TIPRL: variants seen among roughly 807,000 people sequenced by gnomAD.
TIPRL encodes the protein TOR signaling pathway regulator.
In TIPRL, 10 loss-of-function variants were observed where a neutral mutation model predicts 32.3. The observed-to-expected ratio is 0.31, with a 90% CI of 0.19 to 0.52. The LOEUF (loss-of-function observed/expected upper bound fraction) is 0.52, where lower values mean the gene tolerates loss of function less well. TIPRL is among the 20% of genes least tolerant of loss of function. The pLI is 0.96. For synonymous variants in TIPRL, 100 were observed against 114.0 expected (o/e 0.88, Z 0.78); for missense variants, 250 against 328.1 (o/e 0.76, Z 1.84).
At chr1:168,181,583 C>G (rs960270257) in intron 1 of TIPRL, among the ~76,000 whole-genome samples, 1 of 148,350 alleles carries the variant, frequency 6.7e-6, no homozygotes, top group Non-Finnish European at 1.5e-5. Flanking sequence ...AATTGCAAAA[C>G]CGCAATTACT....
intron 1 of TIPRL, among the ~76,000 whole-genome samples, chr1:168,182,928 A>C (rs1368858595): frequency 6.6e-6 from 1 of 152,216 alleles, no homozygotes; most frequent in African/African-American, 2.4e-5. Context: ...ACAAAGAATA[A>C]ATTTTACTTA....
In TIPRL at chr1:168,191,261, A is replaced by G. The variant is rs570850295; in HGVS notation, c.385-108A>G. The G allele has an allele frequency of 4.2e-4, 405 of 969,032 alleles. 2 individuals are homozygous for G. The highest frequency in any genetic ancestry group is 5.4e-4 in the Non-Finnish European group (369 of 677,420). The allele number at this position is 969,032 out of a possible 1,614,324, so 60.0% of individuals were successfully genotyped here. On this transcript the variant is annotated intron_variant, in intron 3 of 6. Coordinates refer to ENST00000367833, the MANE Select transcript of TIPRL (RefSeq NM_152902.5). ...AAATTTAGAACTGTGTGCTCTGGCT[A>G]TGTAGAAAAGACTGATTGAAAAAGA...
At chr1:168,198,170 CT>C (rs1285216423) in intron 5 of TIPRL, among the ~76,000 whole-genome samples, 1 of 152,100 alleles carries the variant, frequency 6.6e-6, no homozygotes, top group Non-Finnish European at 1.5e-5. Flanking sequence ...ACATAAGATT[CT>C]CTGTAGAGAT....
In TIPRL at chr1:168,181,890, G is replaced by A. The variant is rs189026581; in HGVS notation, c.105-2012G>A. ...TGCCTGGACAACATGGTGTAACCCC[G>A]CCTCTACTAGAAATACAAAAAAAAT... On this transcript the variant is annotated intron_variant, in intron 1 of 6. Coordinates refer to ENST00000367833, the MANE Select transcript of TIPRL (RefSeq NM_152902.5). Among the ~76,000 whole-genome samples the A allele has an allele frequency of 7.9e-5, 12 of 151,486 alleles. No individual in the cohort carries two copies. The East Asian group carries it at 2.4e-3, about 30-fold the overall frequency.
intron 3 of TIPRL, among the ~76,000 whole-genome samples, chr1:168,186,731 G>T (rs1249522093): frequency 1.3e-5 from 2 of 152,122 alleles, no homozygotes; most frequent in African/African-American, 4.8e-5. Flanking sequence ...AGACTGGGGA[G>T]GCTGAGGCAG....
At chr1:168,191,858 C>CAAAAAAAAAAAAAAAAAAAAAAAAA in intron 4 of TIPRL, among the ~76,000 whole-genome samples, 1 of 38,902 alleles carries the variant, frequency 2.6e-5, no homozygotes, top group Non-Finnish European at 5.6e-5. Flanking sequence ...GGCGACAGAG[C>CAAAAAAAAAAAAAAAAAAAAAAAAA]AAAAAAAAAA....
At chr1:168,189,860 C>A (rs945453704) in intron 3 of TIPRL, among the ~76,000 whole-genome samples, 3 of 152,076 alleles carry the variant, frequency 2.0e-5, no homozygotes, top group African/African-American at 7.2e-5. Flanking sequence ...TTTATAAGAA[C>A]AAGTACGTAA....
At chr1:168,183,448 G>A (rs763457454) in intron 1 of TIPRL, among the ~76,000 whole-genome samples, 18 of 142,872 alleles carry the variant, frequency 1.3e-4, no homozygotes, top group Non-Finnish European at 2.2e-4. Flanking sequence ...CTGAAAGTCT[G>A]TGTAGGCAAG....
rs1700214114 is a variant in TIPRL, at chr1:168,202,080, AGAG to A, written c.*2038_*2040del. On this transcript the variant is annotated 3_prime_UTR_variant, in exon 7 of 7. Coordinates refer to ENST00000367833, the MANE Select transcript of TIPRL (RefSeq NM_152902.5). ...TATTTGTCCCAAGTGTCTTTTTGTA[AGAG>A]GAGAATAAACAATAAGGAATTACTG... is the stretch of plus-strand genomic sequence containing the variant. 2.0e-5 allele frequency: 3 copies of A among 152,216 alleles called. No homozygotes were observed. In the South Asian group the frequency reaches 6.2e-4, roughly 32 times the overall value. The allele number at this position is 152,216 out of a possible 1,614,324, so 9.4% of individuals were successfully genotyped here. A position where few individuals can be genotyped will look rare whatever the true frequency, so the allele number is the denominator to read the frequency against.
At chr1:168,180,225 G>A (rs1699943133) in intron 1 of TIPRL, among the ~76,000 whole-genome samples, 1 of 151,938 alleles carries the variant, frequency 6.6e-6, no homozygotes, top group Non-Finnish European at 1.5e-5. Context: ...GCCAGCTGAT[G>A]GGAGGAGAAA....
chr1:168,199,089 T>C, intron 6 of TIPRL, 108 bp downstream of exon 6: 2 of 750,180 alleles, frequency 2.7e-6, no homozygotes. Flanking sequence ...CCTAAACCCA[T>C]TCATTCACCT....
At chr1:168,179,386 C>T (rs1350855347) in intron 1 of TIPRL, among the ~76,000 whole-genome samples, 1 of 152,182 alleles carries the variant, frequency 6.6e-6, no homozygotes, top group Non-Finnish European at 1.5e-5. Context: ...CTGCTTTCGT[C>T]AACTGTCAAT....
intron 3 of TIPRL, 41 bp from the exon 4 acceptor site, chr1:168,191,328 T>C: frequency 7.9e-6 from 11 of 1,394,202 alleles, no homozygotes; most frequent in Non-Finnish European, 1.0e-5. Flanking sequence ...GCTCCTCAAC[T>C]TTTTTTTTAA....
At chr1:168,182,392 G>A (rs940847410) in intron 1 of TIPRL, among the ~76,000 whole-genome samples, 8 of 152,176 alleles carry the variant, frequency 5.3e-5, no homozygotes, top group African/African-American at 1.4e-4. Flanking sequence ...TTGGGAGACC[G>A]AGGCAGGTGG....
intron 5 of TIPRL, among the ~76,000 whole-genome samples, chr1:168,197,287 G>GA (rs60707184): frequency 2.6e-4 from 37 of 144,054 alleles, no homozygotes; most frequent in Non-Finnish European, 2.3e-4. Flanking sequence ...CTGTCTCAAA[G>GA]AAAAAAAAAA....
At chr1:168,185,819 G>A (rs1700020417) in intron 3 of TIPRL, among the ~76,000 whole-genome samples, 3 of 150,016 alleles carry the variant, frequency 2.0e-5, no homozygotes, top group Admixed American at 1.3e-4. Flanking sequence ...GCTCACGCCT[G>A]TAATCCCAGC....
At chr1:168,185,567 T>C (rs1370594774) in intron 3 of TIPRL, among the ~76,000 whole-genome samples, 5 of 149,632 alleles carry the variant, frequency 3.3e-5, no homozygotes, top group African/African-American at 1.2e-4. Flanking sequence ...GGTCAGGAGC[T>C]CGAGACTAGC....
At chr1:168,199,628 A>G (rs950604170) in intron 6 of TIPRL, among the ~76,000 whole-genome samples, 2 of 152,242 alleles carry the variant, frequency 1.3e-5, no homozygotes, top group African/African-American at 4.8e-5. Flanking sequence ...TTACAAAAGC[A>G]GGAGATACAT....
intron 3 of TIPRL, among the ~76,000 whole-genome samples, chr1:168,189,534 TG>T (rs1328364466): frequency 1.3e-5 from 2 of 152,044 alleles, no homozygotes; most frequent in African/African-American, 4.8e-5. Flanking sequence ...TTAGTAGAGA[TG>T]GGGTTTCACC....
Sources: allele counts gnomAD v4.1 joint callset (sites outside exome capture counted in the v4.1 genomes callset), GRCh38; gene constraint gnomAD v4.1.1; transcripts MANE v1.5; gene names NCBI Gene and HGNC (gene_info 2026-07-23, HGNC 2026-07-21).